ZNF385D: variants seen among roughly 807,000 people sequenced by gnomAD.
ZNF385D encodes zinc finger protein 659.
In ZNF385D, 15 loss-of-function variants were observed where a neutral mutation model predicts 35.8. The observed-to-expected ratio is 0.42, with a 90% confidence interval of 0.28 to 0.64. The LOEUF is 0.64. Ranked by LOEUF, ZNF385D falls within the 30% of genes least tolerant of loss-of-function variation. ZNF385D has a pLI of 0.23. For missense variants in ZNF385D, 474 were observed against 494.6 expected (o/e 0.96, Z 0.39); for synonymous variants, 212 against 186.8 (o/e 1.13, Z -1.10).
intron 3 of ZNF385D, among the ~76,000 whole-genome samples, chr3:21,561,614 A>G (rs551940246): frequency 6.6e-6 from 1 of 152,304 alleles, no homozygotes; most frequent in East Asian, 1.9e-4. Flanking sequence ...GCAACTGGCC[A>G]TTGTAGGGTT....
At chr3:21,614,780 G>T (rs2064796105) in intron 2 of ZNF385D, among the ~76,000 whole-genome samples, 1 of 152,160 alleles carries the variant, frequency 6.6e-6, no homozygotes, top group South Asian at 2.1e-4. Flanking sequence ...GTAGAGTCGG[G>T]GTTTTACCAT....
intron 3 of ZNF385D, among the ~76,000 whole-genome samples, chr3:21,767,770 T>C (rs1053423724): frequency 2.6e-5 from 4 of 152,020 alleles, no homozygotes; most frequent in Non-Finnish European, 5.9e-5. Flanking sequence ...GAAATGGTAG[T>C]TGACAATATT....
chr3:22,209,970 T>C (rs1054524179), intron 2 of ZNF385D, among the ~76,000 whole-genome samples: 1 of 151,890 alleles, frequency 6.6e-6, no homozygotes, highest in Non-Finnish European at 1.5e-5. Flanking sequence ...TGAAAACTTC[T>C]TTATTCAAAA....
At chr3:22,200,090 T>A (rs1478054688) in intron 2 of ZNF385D, among the ~76,000 whole-genome samples, 1 of 152,044 alleles carries the variant, frequency 6.6e-6, no homozygotes, top group Non-Finnish European at 1.5e-5. Flanking sequence ...AAAGACAGAA[T>A]AGGAACATCC....
chr3:21,953,877 A>T (rs557911594), intron 3 of ZNF385D, among the ~76,000 whole-genome samples: 2 of 152,176 alleles, frequency 1.3e-5, no homozygotes, highest in Admixed American at 6.6e-5. Context: ...CACACACACA[A>T]TGAAGGCACA....
chr3:21,973,642 G>A (rs1223277015), intron 3 of ZNF385D, among the ~76,000 whole-genome samples: 1 of 151,916 alleles, frequency 6.6e-6, no homozygotes, highest in African/African-American at 2.4e-5. Context: ...AATTATCCTT[G>A]TTTGCAGATG....
At chr3:21,448,751 A>G (rs1702288000) in intron 4 of ZNF385D, among the ~76,000 whole-genome samples, 1 of 152,184 alleles carries the variant, frequency 6.6e-6, no homozygotes, top group Non-Finnish European at 1.5e-5. Context: ...TATCTCCAGA[A>G]ACCACATAAA....
rs78649211 is a variant in ZNF385D, at chr3:21,542,562, C to T, written c.276+22012G>A. On this transcript the variant is annotated intron_variant, in intron 3 of 7. Coordinates refer to ENST00000281523, the MANE Select transcript of ZNF385D (RefSeq NM_024697.3). ...TAGTCTTGCTGTGTTGCCCAGGCTG[C>T]TCTCAATCCCTTGGCCTGCCAGTGA... is the stretch of plus-strand genomic sequence containing the variant. Among the ~76,000 whole-genome samples, 36 of 152,174 alleles carry T rather than the reference C, an allele frequency of 2.4e-4. No homozygotes were observed. In the East Asian group the frequency reaches 5.2e-3, roughly 22 times the overall value.
chr3:21,736,256 G>T (rs2069237229), intron 1 of ZNF385D, among the ~76,000 whole-genome samples: 1 of 152,036 alleles, frequency 6.6e-6, no homozygotes, highest in African/African-American at 2.4e-5. Flanking sequence ...ATCGCTGCTT[G>T]GAAATTTTGT....
intron 3 of ZNF385D, among the ~76,000 whole-genome samples, chr3:21,839,204 AT>A (rs1490480065): frequency 6.6e-6 from 1 of 152,004 alleles, no homozygotes; most frequent in Non-Finnish European, 1.5e-5. Context: ...AGTCACTTCC[AT>A]TTTTTTGGTA....
At chr3:21,544,749 C>G (rs2062311477) in intron 3 of ZNF385D, among the ~76,000 whole-genome samples, 1 of 152,178 alleles carries the variant, frequency 6.6e-6, no homozygotes, top group Admixed American at 6.5e-5. Flanking sequence ...TCTGAGTCAT[C>G]ATTTTGGCAA....
At chr3:22,066,927 G>T (rs1413085652) in intron 3 of ZNF385D, among the ~76,000 whole-genome samples, 2 of 152,198 alleles carry the variant, frequency 1.3e-5, no homozygotes, top group Middle Eastern at 3.4e-3. Context: ...ATAATCAGAA[G>T]TACCCCATTC....
intron 3 of ZNF385D, among the ~76,000 whole-genome samples, chr3:22,146,985 G>A (rs575425692): frequency 1.0e-3 from 154 of 152,164 alleles, no homozygotes; most frequent in Non-Finnish European, 1.9e-3. Context: ...CTAATCAAAC[G>A]AAACAAAATT....
chr3:21,938,753 A>C (rs1006808753), intron 3 of ZNF385D, among the ~76,000 whole-genome samples: 1 of 152,042 alleles, frequency 6.6e-6, no homozygotes, highest in Non-Finnish European at 1.5e-5. Context: ...CCCACCTTCT[A>C]TGTCCATCTT....
intron 2 of ZNF385D, among the ~76,000 whole-genome samples, chr3:22,278,745 T>C (rs1701562189): frequency 6.6e-6 from 1 of 152,120 alleles, no homozygotes; most frequent in African/African-American, 2.4e-5. Context: ...TGGCAAAATG[T>C]GTTTTACTTA....
chr3:21,701,349 C>T (rs1044503577), intron 1 of ZNF385D, among the ~76,000 whole-genome samples: 5 of 152,098 alleles, frequency 3.3e-5, no homozygotes, highest in East Asian at 1.9e-4. Context: ...CTGATAAATC[C>T]GTCAGATCTC....
At chr3:22,123,190 G>C (rs1703201280) in intron 3 of ZNF385D, among the ~76,000 whole-genome samples, 1 of 152,004 alleles carries the variant, frequency 6.6e-6, no homozygotes, top group African/African-American at 2.4e-5. Flanking sequence ...GAAGAGAAGA[G>C]AAAAGAGAAA....
chr3:22,086,606 T>C (rs1701058576), intron 3 of ZNF385D, among the ~76,000 whole-genome samples: 1 of 152,178 alleles, frequency 6.6e-6, no homozygotes, highest in African/African-American at 2.4e-5. Flanking sequence ...ATCAATATCA[T>C]GAAAATGGTC....
intron 2 of ZNF385D, among the ~76,000 whole-genome samples, chr3:21,613,056 G>T (rs1268604148): frequency 6.8e-6 from 1 of 146,018 alleles, no homozygotes; most frequent in African/African-American, 2.5e-5. Context: ...TGCTAGGCTC[G>T]TTACTTTTTC....
Sources: gnomAD v4.1 joint callset for allele counts (sites outside exome capture counted in the v4.1 genomes callset) on GRCh38, gnomAD v4.1.1 for gene constraint, MANE v1.5 for transcripts, NCBI Gene and HGNC (gene_info 2026-07-23, HGNC 2026-07-21) for gene names.